Variants in EFHC2 observed in about 807,000 individuals in gnomAD.
The protein encoded by EFHC2 is EF-hand domain-containing family member C2.
In EFHC2, 18 loss-of-function variants were observed where a neutral mutation model predicts 52.7. The observed-to-expected ratio is 0.34, with a 90% confidence interval of 0.24 to 0.51. EFHC2 has a LOEUF of 0.51. Among genes scored for constraint, EFHC2 ranks in the 20% least tolerant of loss-of-function variants. The probability of loss-of-function intolerance (pLI) is 0.97; values close to 1 mark genes in which losing one functional copy is unlikely to be tolerated. For synonymous variants in EFHC2, 203 were observed against 204.1 expected (o/e 0.99, Z 0.04); for missense variants, 513 against 562.5 (o/e 0.91, Z 0.89).
chrX:44,324,586 G>T (rs1159121494), intron 1 of EFHC2, among the ~76,000 whole-genome samples: 1 of 111,006 alleles, frequency 9.0e-6, no homozygotes, highest in Non-Finnish European at 1.9e-5. Flanking sequence ...ACACACAATT[G>T]CTACAAACTC....
intron 2 of EFHC2, among the ~76,000 whole-genome samples, chrX:44,281,685 A>G (rs1421669830): frequency 2.7e-5 from 3 of 112,720 alleles, no homozygotes; most frequent in South Asian, 3.6e-4. Context: ...ATTTAACTAC[A>G]TAAGTTATAA....
chrX:44,235,444 A>G lies in EFHC2; in HGVS notation c.1284T>C (p.Tyr428=). The G allele has an allele frequency of 8.4e-7, 1 of 1,187,109 alleles. No homozygotes were observed. Among genetic ancestry groups the G allele is most frequent in the East Asian group, 3.0e-5 (1 of 33,349 alleles). Residue 428 remains tyrosine (Y), a synonymous_variant, in exon 9 of 15, where the codon TAT becomes TAC. Coordinates refer to ENST00000420999, the MANE Select transcript of EFHC2 (RefSeq NM_025184.4). ...AACGGAGTATATTGCTTTTGGAGCC[A>G]TAGCTAAATGGAAGAGAAATGAGAG... is the stretch of plus-strand genomic sequence containing the variant. ...NFKKFMEKDS[Y]GSKSNILRFF...
chrX:44,298,860 C>CAAAA (rs34701706), intron 2 of EFHC2, among the ~76,000 whole-genome samples: 2 of 22,719 alleles, frequency 8.8e-5, no homozygotes, highest in South Asian at 5.5e-3. Context: ...GACTCTGTCT[C>CAAAA]AAAAAAAAAA....
chrX:44,230,878 T>G (rs1056072444), intron 10 of EFHC2, among the ~76,000 whole-genome samples: 2 of 111,625 alleles, frequency 1.8e-5, no homozygotes, highest in African/African-American at 6.5e-5. Flanking sequence ...TTATCACATC[T>G]AATCTTCATA....
At chrX:44,197,257 T>C (rs771280751) in intron 11 of EFHC2, among the ~76,000 whole-genome samples, 2 of 111,725 alleles carry the variant, frequency 1.8e-5, no homozygotes, top group African/African-American at 3.3e-5. Flanking sequence ...TGAGTGAAAA[T>C]TGAATCCAAA....
intron 3 of EFHC2, among the ~76,000 whole-genome samples, chrX:44,265,034 T>A (rs1423799501): frequency 8.9e-6 from 1 of 112,139 alleles, no homozygotes; most frequent in African/African-American, 3.2e-5. Context: ...TCTTCATGTT[T>A]TACATTTCTC....
At chrX:44,313,717 G>A (rs1301864227) in intron 1 of EFHC2, among the ~76,000 whole-genome samples, 2 of 111,349 alleles carry the variant, frequency 1.8e-5, no homozygotes, top group African/African-American at 6.5e-5. Flanking sequence ...ACTTTGGGAG[G>A]CTGAGGCGGG....
At chrX:44,211,578 T>C (rs1307608088) in intron 11 of EFHC2, among the ~76,000 whole-genome samples, 1 of 104,604 alleles carries the variant, frequency 9.6e-6, no homozygotes. Flanking sequence ...TAAAAAAAGA[T>C]TGGCCGGGCT....
intron 11 of EFHC2, among the ~76,000 whole-genome samples, chrX:44,219,752 G>T (rs2037179727): frequency 9.0e-6 from 1 of 111,333 alleles, no homozygotes; most frequent in Non-Finnish European, 1.9e-5. Flanking sequence ...AAATATTGTG[G>T]CCCCTAAAAT....
At chrX:44,311,573 T>C (rs1440878504) in intron 2 of EFHC2, among the ~76,000 whole-genome samples, 2 of 112,476 alleles carry the variant, frequency 1.8e-5, no homozygotes, top group Non-Finnish European at 3.8e-5. Flanking sequence ...CATATCCATA[T>C]AGCTGGTCGC....
At chrX:44,211,581 G>T (rs941241837) in intron 11 of EFHC2, among the ~76,000 whole-genome samples, 1 of 109,283 alleles carries the variant, frequency 9.2e-6, no homozygotes, top group Non-Finnish European at 1.9e-5. Flanking sequence ...AAAAAGATTG[G>T]CCGGGCTCAG....
At chrX:44,246,392 A>G (rs1247729449) in intron 7 of EFHC2, among the ~76,000 whole-genome samples, 2 of 112,639 alleles carry the variant, frequency 1.8e-5, no homozygotes, top group East Asian at 2.8e-4. Context: ...ATATTTTAAC[A>G]TATGTTATGA....
At chrX:44,315,300 C>T (rs1290846467) in intron 1 of EFHC2, among the ~76,000 whole-genome samples, 1 of 110,204 alleles carries the variant, frequency 9.1e-6, no homozygotes, top group African/African-American at 3.3e-5. Context: ...GCCAATTAAG[C>T]CTTTTTTTTT....
intron 2 of EFHC2, among the ~76,000 whole-genome samples, chrX:44,283,449 T>G (rs2037724558): frequency 9.0e-6 from 1 of 111,337 alleles, no homozygotes; most frequent in Non-Finnish European, 1.9e-5. Flanking sequence ...CCCAAAGTGC[T>G]GGGATTACAG....
chrX:44,168,360 G>A (rs1310019947), intron 13 of EFHC2, among the ~76,000 whole-genome samples: 1 of 110,796 alleles, frequency 9.0e-6, no homozygotes, highest in Admixed American at 9.6e-5. Context: ...GTGAAACCCC[G>A]TCTCTACTAA....
intron 14 of EFHC2, among the ~76,000 whole-genome samples, chrX:44,155,859 C>T (rs1412333617): frequency 8.9e-6 from 1 of 112,125 alleles, no homozygotes; most frequent in East Asian, 2.8e-4. Flanking sequence ...GAGGATTTTG[C>T]GAATATTTCT....
At chrX:44,268,620 T>A (rs1235333409) in intron 3 of EFHC2, among the ~76,000 whole-genome samples, 1 of 111,910 alleles carries the variant, frequency 8.9e-6, no homozygotes, top group Non-Finnish European at 1.9e-5. Context: ...AACAAAATGT[T>A]TAGGTGAAAA....
chrX:44,204,952 A>G (rs894285259), intron 11 of EFHC2, among the ~76,000 whole-genome samples: 1 of 111,784 alleles, frequency 8.9e-6, no homozygotes, highest in Non-Finnish European at 1.9e-5. Flanking sequence ...AGGTCAAAAC[A>G]TAAGGAAAAA....
chrX:44,210,157 A>C (rs1195923003), intron 11 of EFHC2, among the ~76,000 whole-genome samples: 1 of 111,628 alleles, frequency 9.0e-6, no homozygotes, highest in Non-Finnish European at 1.9e-5. Flanking sequence ...GGTGCCAAAA[A>C]GGTTGAGGAC....
Sources: allele counts gnomAD v4.1 joint callset (sites outside exome capture counted in the v4.1 genomes callset), GRCh38; gene constraint gnomAD v4.1.1; transcripts MANE v1.5; gene names NCBI Gene and HGNC (gene_info 2026-07-23, HGNC 2026-07-21).